Variants in PCDHGA5 observed in about 807,000 individuals in gnomAD.
The protein encoded by PCDHGA5 is protocadherin gamma subfamily A, 5, also known as protocadherin gamma-A5.
PCDHGA5 carries 36 observed loss-of-function variants against 56.7 expected under a neutral mutation model. The ratio of observed to expected loss-of-function variants is 0.64; its 90% CI spans 0.49 to 0.84. The LOEUF (loss-of-function observed/expected upper bound fraction) is 0.84, where lower values mean the gene tolerates loss of function less well. Among genes scored for constraint, PCDHGA5 ranks in the 40% least tolerant of loss-of-function variants. The pLI, the probability that PCDHGA5 is intolerant of heterozygous loss-of-function variation, is 0.00. For missense variants in PCDHGA5, 1,305 were observed against 1,201.5 expected (o/e 1.09, Z -1.27); for synonymous variants, 563 against 520.2 (o/e 1.08, Z -1.12).
Position 141,476,035 on chromosome 5 carries a change from C to A in PCDHGA5, c.2422-18772C>A. On this transcript the variant is annotated intron_variant, in intron 1 of 3. Coordinates refer to ENST00000518069, the MANE Select transcript of PCDHGA5 (RefSeq NM_018918.3). This position sits in a 1 kb window ranked among gnomAD's most constrained non-coding sequence, Gnocchi z 7.6. ...CATGTCGGACTCGGCGCCCAGCGCCCAAGCGCTAACCCGCTGAAAGTTTCT... is the reference window on the plus strand; with the variant it reads ...CATGTCGGACTCGGCGCCCAGCGCCAAAGCGCTAACCCGCTGAAAGTTTCT... The A allele has an allele frequency of 1.4e-6, 2 of 1,466,592 alleles. No individual in the cohort carries two copies. The highest frequency in any genetic ancestry group is 1.8e-6 in the Non-Finnish European group (2 of 1,102,494). 90.8% of individuals were successfully genotyped at this position (1,466,592 alleles called of 1,614,324 possible). A position where few individuals can be genotyped will look rare whatever the true frequency, so the allele number is the denominator to read the frequency against.
At chr5:141,415,437 G>A in intron 1 of PCDHGA5, 1 of 1,614,200 alleles carries the variant, frequency 6.2e-7, no homozygotes, top group Non-Finnish European at 8.5e-7. Flanking sequence ...GGGCTTTCCT[G>A]CAGACCTATT....
chr5:141,416,817 C>T (rs1197915095), intron 1 of PCDHGA5: 1 of 151,958 alleles, frequency 6.6e-6, no homozygotes, highest in Non-Finnish European at 1.5e-5. Flanking sequence ...AAAAAGCATT[C>T]CGAAGTTTCT....
rs751177252 is a variant in PCDHGA5 at position 141,415,407 on chromosome 5, T to G, written c.2421+48656T>G. The G allele has an allele frequency of 1.9e-6, 3 of 1,614,086 alleles. No homozygotes were observed. The African/African-American group carries it at 4.0e-5, about 22-fold the overall frequency. ...TGACAGGTGTGTCCGGCTCGCACTTTGTGGGCGTGGACGGGGTTCGGGCTT... is the reference window on the plus strand; with the variant it reads ...TGACAGGTGTGTCCGGCTCGCACTTGGTGGGCGTGGACGGGGTTCGGGCTT... On this transcript the variant is annotated intron_variant, in intron 1 of 3. Transcript: ENST00000518069.
chr5:141,373,498 G>A (rs1282997273), intron 1 of PCDHGA5, among the ~76,000 whole-genome samples: 2 of 152,206 alleles, frequency 1.3e-5, no homozygotes, highest in Non-Finnish European at 2.9e-5. Flanking sequence ...ACTCTAGCCT[G>A]GGAGACAGAG....
At position 141,391,015 on chromosome 5, in the gene PCDHGA5, CAAAGA is replaced by C. The variant is rs1353502690; in HGVS notation, c.2421+24270_2421+24274del. On this transcript the variant is annotated intron_variant, in intron 1 of 3. Transcript: ENST00000518069. ...TTCAAGCTCATTCTATATCCTTCAT[CAAAGA>C]AAAGACAATGTTTTGTGTCTGTTGT... 3.3e-5 allele frequency: 5 copies of C among 152,166 alleles called. No individual in the cohort carries two copies. The East Asian group carries it at 9.6e-4, about 29-fold the overall frequency. The allele number at this position is 152,166 out of a possible 1,614,324, so 9.4% of individuals were successfully genotyped here. A position where few individuals can be genotyped will look rare whatever the true frequency, so the allele number is the denominator to read the frequency against.
At chr5:141,418,922 C>A in intron 1 of PCDHGA5, 1 of 1,613,994 alleles carries the variant, frequency 6.2e-7, no homozygotes, top group Non-Finnish European at 8.5e-7. Context: ...ACTCTCTGAT[C>A]AGATTATGGA....
At position 141,432,225 on chromosome 5, in the gene PCDHGA5, A is replaced by T; in HGVS notation, c.2422-62582A>T. On this transcript the variant is annotated intron_variant, in intron 1 of 3. Transcript: ENST00000518069. This position sits in a 1 kb window ranked among gnomAD's most constrained non-coding sequence, Gnocchi z 6.0. ...TGTGAAGAGAACGCCCAGATCACTT[A>T]TTCCCTGGCTGAGAACACCATCCAA... The T allele has an allele frequency of 1.2e-6, 2 of 1,614,206 alleles. No individual in the cohort carries two copies. Among genetic ancestry groups the T allele is most frequent in the South Asian group, 2.2e-5 (2 of 91,080 alleles).
intron 1 of PCDHGA5, chr5:141,384,749 T>C (rs781370362): frequency 5.0e-6 from 8 of 1,613,822 alleles, no homozygotes; most frequent in Non-Finnish European, 4.2e-6. Flanking sequence ...CCAGGACTCT[T>C]TGCGGTTGGG....
chr5:141,478,337 T>C (rs766980546), intron 1 of PCDHGA5: 1 of 1,613,942 alleles, frequency 6.2e-7, no homozygotes, highest in Non-Finnish European at 8.5e-7. Context: ...ACCAGGGCCC[T>C]CCTTGCACGC....
rs1297899765 is a variant in PCDHGA5, at chr5:141,431,815, C to T, written c.2422-62992C>T. ...CCCCAGAAGTGGTCCTCACCTCTCTCGCCAGCTCGGTTCCCGAAAACTCTC... is the reference window on the plus strand; with the variant it reads ...CCCCAGAAGTGGTCCTCACCTCTCTTGCCAGCTCGGTTCCCGAAAACTCTC... On this transcript the variant is annotated intron_variant, in intron 1 of 3. Transcript: ENST00000518069. The surrounding 1 kb of genome is among the most constrained non-coding windows in gnomAD (Gnocchi z 4.8). 5 of 1,614,124 alleles carry T rather than the reference C, an allele frequency of 3.1e-6. No homozygotes were observed. The Admixed American group carries it at 5.0e-5, about 16-fold the overall frequency.
intron 1 of PCDHGA5, among the ~76,000 whole-genome samples, chr5:141,450,968 G>A (rs756891993): frequency 5.5e-4 from 84 of 151,848 alleles, no homozygotes; most frequent in Non-Finnish European, 9.0e-4. Context: ...GGGATTACAG[G>A]CATGTGCCAC....
At chr5:141,452,760 G>C (rs920853226) in intron 1 of PCDHGA5, among the ~76,000 whole-genome samples, 1 of 152,120 alleles carries the variant, frequency 6.6e-6, no homozygotes, top group African/African-American at 2.4e-5. Context: ...AAGGAAGGGA[G>C]GGAGGGAAAA....
Position 141,489,169 on chromosome 5 carries a change from C to T in PCDHGA5, c.2422-5638C>T. On this transcript the variant is annotated intron_variant, in intron 1 of 3. Coordinates refer to ENST00000518069, the MANE Select transcript of PCDHGA5 (RefSeq NM_018918.3). This position sits in a 1 kb window ranked among gnomAD's most constrained non-coding sequence, Gnocchi z 4.5. ...GAGACATAAGAGACTTCAGCTGCTG[C>T]ATTCCAAGCCCTGGGTCTACCTTGG... 3 of 1,124,648 alleles carry T rather than the reference C, an allele frequency of 2.7e-6. No individual in the cohort carries two copies. The highest frequency in any genetic ancestry group is 3.8e-6 in the Non-Finnish European group (3 of 783,910). The allele number at this position is 1,124,648 out of a possible 1,614,324, so 69.7% of individuals were successfully genotyped here. A position where few individuals can be genotyped will look rare whatever the true frequency, so the allele number is the denominator to read the frequency against.
At position 141,365,772 on chromosome 5, in the gene PCDHGA5, G is replaced by T. The variant is rs373332121; in HGVS notation, c.1442G>T (p.Ser481Ile). ...IFSVTAHDPDSGDNARVTYSL... is the reference protein window; with the variant it reads ...IFSVTAHDPDIGDNARVTYSL... ...TCTGTGACAGCCCATGACCCCGACA[G>T]CGGCGACAACGCTCGAGTCACCTAC... The change falls in exon 1 of 4, where the codon AGC (serine) becomes ATC (isoleucine). Residue 481 changes from serine to isoleucine, a missense_variant. By Grantham distance (142) the Ser-to-Ile change is moderately radical. Transcript: ENST00000518069. The T allele has an allele frequency of 1.1e-5, 18 of 1,613,758 alleles. No individual in the cohort carries two copies. Among genetic ancestry groups the T allele is most frequent in the Admixed American group, 3.3e-5 (2 of 60,012 alleles).
chr5:141,381,988 C>A (rs1777837622), intron 1 of PCDHGA5, among the ~76,000 whole-genome samples: 1 of 151,770 alleles, frequency 6.6e-6, no homozygotes, highest in South Asian at 2.1e-4. Flanking sequence ...CGCCACCACG[C>A]CCGGATAATT....
At chr5:141,378,822 T>C (rs181427236) in intron 1 of PCDHGA5, 13 of 152,360 alleles carry the variant, frequency 8.5e-5, no homozygotes, top group Non-Finnish European at 1.6e-4. Flanking sequence ...CATTGTTTCA[T>C]GAACAGAAAA....
chr5:141,505,832 T>G (rs1006398435), intron 3 of PCDHGA5, among the ~76,000 whole-genome samples: 1 of 152,188 alleles, frequency 6.6e-6, no homozygotes, highest in African/African-American at 2.4e-5. Flanking sequence ...AAACCTCAGT[T>G]TCCTCAGCCT....
intron 1 of PCDHGA5, chr5:141,393,878 A>C: frequency 1.9e-6 from 3 of 1,614,022 alleles, no homozygotes; most frequent in Non-Finnish European, 2.5e-6. Context: ...TGTTTAGCCC[A>C]GTGTTAGAAA....
chr5:141,422,987 A>AG, intron 1 of PCDHGA5: 1 of 1,614,168 alleles, frequency 6.2e-7, no homozygotes. Context: ...GAACCTGGCT[A>AG]CCTGGTGACC....
Sources: gnomAD v4.1 joint callset for allele counts (sites outside exome capture counted in the v4.1 genomes callset) on GRCh38, gnomAD v4.1.1 for gene constraint, Gnocchi (gnomAD v3.1) non-coding constraint, MANE v1.5 for transcripts, NCBI Gene and HGNC (gene_info 2026-07-23, HGNC 2026-07-21) for gene names.